KCNQ5: variants seen among roughly 807,000 people sequenced by gnomAD.
KCNQ5 encodes the protein potassium voltage-gated channel subfamily Q member 5, also known as potassium voltage-gated channel subfamily KQT member 5.
A neutral mutation model predicts 98.2 loss-of-function variants in KCNQ5; 30 were observed. The observed-to-expected ratio is 0.31, with a 90% confidence interval of 0.23 to 0.41. KCNQ5 has a LOEUF of 0.41. Ranked by LOEUF, KCNQ5 falls within the 10% of genes least tolerant of loss-of-function variation. The pLI is 1.00. For missense variants in KCNQ5, 835 were observed against 1,182.5 expected, an observed-to-expected ratio of 0.71 and a Z score of 4.31; for synonymous variants, 458 against 449.4, an observed-to-expected ratio of 1.02 and a Z score of -0.24.
chr6:72,963,465 C>T (rs1443546387), intron 1 of KCNQ5, among the ~76,000 whole-genome samples: 7 of 152,058 alleles, frequency 4.6e-5, no homozygotes, highest in Non-Finnish European at 1.0e-4. Flanking sequence ...TTTTATCTTA[C>T]TAAATGCCAT....
chr6:72,814,104 C>A (rs894477098), intron 1 of KCNQ5, among the ~76,000 whole-genome samples: 1 of 152,144 alleles, frequency 6.6e-6, no homozygotes, highest in South Asian at 2.1e-4. Flanking sequence ...CAGTGCAGAG[C>A]CAGGCCCAAG....
At chr6:73,017,758 T>C (rs1582198014) in intron 2 of KCNQ5, among the ~76,000 whole-genome samples, 3 of 152,248 alleles carry the variant, frequency 2.0e-5, no homozygotes, top group Admixed American at 2.0e-4. Flanking sequence ...CTTGGCTCAC[T>C]GAAGACTAAT....
chr6:72,907,546 G>A (rs1779754133), intron 1 of KCNQ5, among the ~76,000 whole-genome samples: 2 of 151,984 alleles, frequency 1.3e-5, no homozygotes, highest in Admixed American at 1.3e-4. Context: ...TATGAAAATT[G>A]TGGCTATTTA....
chr6:72,797,521 G>A (rs1774405909), intron 1 of KCNQ5, among the ~76,000 whole-genome samples: 1 of 150,854 alleles, frequency 6.6e-6, no homozygotes, highest in Admixed American at 6.6e-5. Flanking sequence ...AAAAAAAAGT[G>A]TTTAGTATAA....
In KCNQ5 at chr6:72,860,458, T is replaced by G. The variant is rs372503187; in HGVS notation, c.399-143450T>G. ...GTGTGGCTTTGGCTTACTTAATCTT[T>G]CCTAGGCTTCAGTTTCCTCATCTGT... On this transcript the variant is annotated intron_variant, in intron 1 of 13. Coordinates refer to ENST00000370398, the MANE Select transcript of KCNQ5 (RefSeq NM_019842.4). 4.6e-5 allele frequency among the ~76,000 whole-genome samples: 7 copies of G among 152,346 alleles called. No individual in the cohort carries two copies. The South Asian group carries it at 1.5e-3, about 32-fold the overall frequency.
intron 1 of KCNQ5, among the ~76,000 whole-genome samples, chr6:72,794,918 A>T (rs1160743229): frequency 6.6e-6 from 1 of 152,152 alleles, no homozygotes; most frequent in East Asian, 1.9e-4. Flanking sequence ...TTTAAGCAAA[A>T]AACAAAATGT....
At chr6:73,092,093 T>TG (rs1477593896) in intron 5 of KCNQ5, among the ~76,000 whole-genome samples, 65 of 148,188 alleles carry the variant, frequency 4.4e-4, no homozygotes, top group Middle Eastern at 3.5e-3. Context: ...TTTTTTTGTT[T>TG]GTTTGTTTTT....
intron 1 of KCNQ5, among the ~76,000 whole-genome samples, chr6:72,784,072 G>A (rs986353146): frequency 1.3e-5 from 2 of 152,116 alleles, no homozygotes; most frequent in African/African-American, 2.4e-5. Flanking sequence ...ACCTCTCCTG[G>A]CTCTATTACC....
intron 3 of KCNQ5, chr6:73,055,680 A>G: frequency 1.8e-6 from 2 of 1,135,830 alleles, no homozygotes; most frequent in Admixed American, 3.4e-5. Flanking sequence ...AAGCATCTGA[A>G]GGGTCTCTCT....
At chr6:72,880,991 A>T (rs531036191) in intron 1 of KCNQ5, among the ~76,000 whole-genome samples, 2 of 152,364 alleles carry the variant, frequency 1.3e-5, no homozygotes, top group Non-Finnish European at 2.9e-5. Context: ...AGGATTAAAG[A>T]TGTCGACAAG....
chr6:73,176,641 A>G (rs1778225424), intron 11 of KCNQ5, among the ~76,000 whole-genome samples: 1 of 152,212 alleles, frequency 6.6e-6, no homozygotes, highest in African/African-American at 2.4e-5. Flanking sequence ...GGCAGTCATG[A>G]TGGAGAATAG....
intron 5 of KCNQ5, among the ~76,000 whole-genome samples, chr6:73,103,484 A>C (rs1192366420): frequency 1.1e-4 from 1 of 9,024 alleles, no homozygotes; most frequent in Admixed American, 1.5e-3. Flanking sequence ...GGGGCCTGTC[A>C]TGGGGGGGGG....
chr6:73,174,632 C>A (rs1778146390), intron 11 of KCNQ5, among the ~76,000 whole-genome samples: 2 of 152,138 alleles, frequency 1.3e-5, no homozygotes, highest in African/African-American at 4.8e-5. Context: ...CTAATTCTAT[C>A]CCCTCCTCCC....
intron 3 of KCNQ5, among the ~76,000 whole-genome samples, chr6:73,071,020 T>C (rs1773279407): frequency 1.3e-5 from 2 of 152,152 alleles, no homozygotes. Flanking sequence ...ATAACTTAAC[T>C]TCTGTGACTT....
intron 1 of KCNQ5, among the ~76,000 whole-genome samples, chr6:72,732,456 T>C (rs1320825950): frequency 6.6e-6 from 1 of 152,138 alleles, no homozygotes; most frequent in African/African-American, 2.4e-5. Context: ...GGCAGAGAAC[T>C]TGCCCAGCAA....
intron 1 of KCNQ5, among the ~76,000 whole-genome samples, chr6:72,851,465 A>G (rs1777253191): frequency 6.6e-6 from 1 of 152,262 alleles, no homozygotes; most frequent in East Asian, 1.9e-4. Flanking sequence ...TGGTCCTTCA[A>G]TCTAAATGTC....
intron 10 of KCNQ5, among the ~76,000 whole-genome samples, chr6:73,151,640 G>A (rs374902524): frequency 2.1e-4 from 32 of 152,102 alleles, no homozygotes; most frequent in African/African-American, 3.1e-4. Flanking sequence ...GGTAAATTGC[G>A]TCAGGTAACC....
chr6:73,015,871 C>T (rs1307795247), intron 2 of KCNQ5, among the ~76,000 whole-genome samples: 2 of 152,146 alleles, frequency 1.3e-5, no homozygotes, highest in Non-Finnish European at 2.9e-5. Context: ...CCAAATACCT[C>T]CTCCTTCCTG....
chr6:72,925,115 G>A (rs972238544), intron 1 of KCNQ5, among the ~76,000 whole-genome samples: 3 of 152,122 alleles, frequency 2.0e-5, no homozygotes, highest in Non-Finnish European at 2.9e-5. Context: ...TAAAACATTA[G>A]CACCTCTTAA....
Sources: gnomAD v4.1 joint callset for allele counts (sites outside exome capture counted in the v4.1 genomes callset) on GRCh38, gnomAD v4.1.1 for gene constraint, MANE v1.5 for transcripts, NCBI Gene and HGNC (gene_info 2026-07-23, HGNC 2026-07-21) for gene names.